PIM3: variants seen among roughly 807,000 people sequenced by gnomAD.
PIM3 encodes serine/threonine-protein kinase pim-3.
PIM3 carries 13 observed loss-of-function variants against 27.5 expected under a neutral mutation model. The observed-to-expected ratio is 0.47, with a 90% CI of 0.31 to 0.75. PIM3 has a LOEUF of 0.75. PIM3 is among the 30% of genes least tolerant of loss of function. The probability of loss-of-function intolerance (pLI) is 0.05; values close to 1 mark genes in which losing one functional copy is unlikely to be tolerated. For missense variants in PIM3, 482 were observed against 476.9 expected, an observed-to-expected ratio of 1.01 and a Z score of -0.10; for synonymous variants, 341 against 221.1, an observed-to-expected ratio of 1.54 and a Z score of -4.81.
rs766893430 is a variant in PIM3, at chr22:49,961,799, A to G, written c.604A>G (p.Thr202Ala). The G allele has an allele frequency of 7.5e-6, 12 of 1,609,296 alleles. No individual in the cohort carries two copies. Among genetic ancestry groups the G allele is most frequent in the Admixed American group, 1.7e-5 (1 of 59,764 alleles). ...TGCGCTGCTCAAGGACACGGTCTAC[A>G]CCGACTTCGACGGTGAGCGCGGGCG... ...SGALLKDTVY[T>A]DFDGTRVYSP... Residue 202 changes from threonine to alanine, a missense_variant, in exon 4 of 6, where the codon ACC (threonine) becomes GCC (alanine). Physicochemically the swap from Thr to Ala is moderately conservative, Grantham distance 58. Transcript: ENST00000360612.
rs780830028 is a variant in PIM3, at chr22:49,961,353, C to G, written c.231C>G (p.Thr77=). ...AGCACGTGGTGAAGGAGCGGGTGAC[C>G]GAGTGGGGCAGCCTGGTAAGTTGGG... ...AVKHVVKERV[T]EWGSLGGATV... is the part of the protein sequence containing the mutation. Residue 77 remains threonine, a synonymous_variant, in exon 3 of 6, where the codon ACC becomes ACG. Coordinates refer to ENST00000360612, the MANE Select transcript of PIM3 (RefSeq NM_001001852.4). 1 of 1,531,354 alleles carries G rather than the reference C, an allele frequency of 6.5e-7. No individual in the cohort carries two copies. Among genetic ancestry groups the G allele is most frequent in the Admixed American group, 2.1e-5 (1 of 46,590 alleles). 94.9% of individuals were successfully genotyped at this position (1,531,354 alleles called of 1,614,324 possible). A position where few individuals can be genotyped will look rare whatever the true frequency, so the allele number is the denominator to read the frequency against.
intron 4 of PIM3, among the ~76,000 whole-genome samples, chr22:49,962,366 G>A (rs997872324): frequency 1.2e-5 from 1 of 85,980 alleles, no homozygotes; most frequent in Non-Finnish European, 2.3e-5. Context: ...CCCCGTTCCC[G>A]CAGGCAGGCG....
chr22:49,961,736 C>G lies in PIM3; in HGVS notation c.541C>G (p.Arg181Gly). 6.2e-7 allele frequency: 1 copy of G among 1,611,300 alleles called. No homozygotes were observed. The highest frequency in any genetic ancestry group is 8.5e-7 in the Non-Finnish European group (1 of 1,179,286). The change falls in exon 4 of 6, where the codon CGC becomes GGC. Residue 181 changes from arginine (R) to glycine (G), a missense_variant. Physicochemically the swap from Arg to Gly is moderately radical, Grantham distance 125 (BLOSUM62 -2). Transcript: ENST00000360612. ...IKDENLLVDL[R>G]SGELKLIDFG... ...GGACGAAAATCTGCTTGTGGACCTGCGCTCCGGAGAGCTCAAGCTCATCGA... is the reference window on the plus strand; with the variant it reads ...GGACGAAAATCTGCTTGTGGACCTGGGCTCCGGAGAGCTCAAGCTCATCGA...
rs548464468 is a variant in PIM3 at position 49,963,391 on chromosome 22, G to A, written c.*264G>A. 7 of 427,326 alleles carry A rather than the reference G, an allele frequency of 1.6e-5. No homozygotes were observed. In the East Asian group the frequency reaches 2.7e-4, roughly 16 times the overall value. 26.5% of individuals were successfully genotyped at this position (427,326 alleles called of 1,614,324 possible). On this transcript the variant is annotated 3_prime_UTR_variant, in exon 6 of 6. Transcript: ENST00000360612. ...TGAACCCCAGACGCCCCTCTGTGCT[G>A]CTGTGTCCGGAGGCGGCCTTCCCAT...
chr22:49,962,538 C>G (rs1033047077), intron 4 of PIM3, 151 bp from the exon 5 acceptor site: 2 of 874,610 alleles, frequency 2.3e-6, no homozygotes, highest in Non-Finnish European at 3.3e-6. Context: ...CCATCGCCTG[C>G]CGGGGTTTTT....
rs765581135 is a variant in PIM3, at chr22:49,962,745, T to G, written c.673T>G (p.Ser225Ala). The stretch of plus-strand genomic sequence containing the variant: ...CCGCTACCACCGCTACCACGGGCGC[T>G]CGGCCACCGTGTGGTCGCTGGGCGT... ...WIRYHRYHGR[S>A]ATVWSLGVLL... is the part of the protein sequence containing the mutation. The change falls in exon 5 of 6, where the codon TCG becomes GCG. Residue 225 changes from serine to alanine, a missense_variant. By Grantham distance (99) the Ser-to-Ala change is moderately conservative. Transcript: ENST00000360612. The G allele has an allele frequency of 1.9e-6, 3 of 1,612,680 alleles. No homozygotes were observed. The highest frequency in any genetic ancestry group is 2.5e-6 in the Non-Finnish European group (3 of 1,179,936).
rs763058426 is a variant in PIM3 at position 49,961,250 on chromosome 22, G to C, written c.195+16G>C. 76 of 1,533,772 alleles carry C rather than the reference G, an allele frequency of 5.0e-5. 1 individual carries two copies. In the South Asian group the frequency reaches 8.5e-4, roughly 17 times the overall value. ...CGGGCTCCCGGTGAGTCGGACCGCCGGGCGGGCCCGGGTTTCTCGCGCGCC... is the reference window on the plus strand; with the variant it reads ...CGGGCTCCCGGTGAGTCGGACCGCCCGGCGGGCCCGGGTTTCTCGCGCGCC... On this transcript the variant is annotated intron_variant, in intron 2 of 5. Transcript: ENST00000360612.
chr22:49,962,636 T>G, intron 4 of PIM3, 53 bp from the exon 5 acceptor site: 1 of 1,547,642 alleles, frequency 6.5e-7, no homozygotes, highest in South Asian at 1.2e-5. Context: ...CCTCGCCGTC[T>G]GTTGAGCGGC....
Position 49,961,382 on chromosome 22 carries a change from CGGG to C in PIM3, c.246+15_246+17del. The C allele has an allele frequency of 6.8e-7, 1 of 1,467,028 alleles. No homozygotes were observed. Among genetic ancestry groups the C allele is most frequent in the Non-Finnish European group, 9.0e-7 (1 of 1,114,920 alleles). 90.9% of individuals were successfully genotyped at this position (1,467,028 alleles called of 1,614,324 possible). A position where few individuals can be genotyped will look rare whatever the true frequency, so the allele number is the denominator to read the frequency against. ...TGGGGCAGCCTGGTAAGTTGGGGCA[CGGG>C]CGGCGGCGGCGGCGGGGGGCGGGCG... On this transcript the variant is annotated intron_variant, in intron 3 of 5. Coordinates refer to ENST00000360612, the MANE Select transcript of PIM3 (RefSeq NM_001001852.4).
Position 49,962,986 on chromosome 22 carries a change from G to A in PIM3, c.840G>A (p.Glu280=), listed in dbSNP as rs759077126. Residue 280 remains glutamate (E), a synonymous_variant, in exon 6 of 6, where the codon GAG becomes GAA. Coordinates refer to ENST00000360612, the MANE Select transcript of PIM3 (RefSeq NM_001001852.4). ...GGTGCCTGTCCCTGCGGCCCTCAGA[G>A]CGGCCGTCGCTGGATCAGATTGCGG... ...IRWCLSLRPS[E]RPSLDQIAAH... is the part of the protein sequence containing the mutation. 6.2e-7 allele frequency: 1 copy of A among 1,610,722 alleles called. No individual in the cohort carries two copies. Among genetic ancestry groups the A allele is most frequent in the Non-Finnish European group, 8.5e-7 (1 of 1,179,766 alleles).
At chr22:49,962,892 G>C (rs2146706411) in intron 5 of PIM3, 27 bp downstream of exon 5, 1 of 1,600,252 alleles carries the variant, frequency 6.2e-7, no homozygotes, top group Non-Finnish European at 8.5e-7. Context: ...GGCGGGGGTG[G>C]GGGCCTCGCC....
chr22:49,961,766 G>T lies in PIM3; in HGVS notation c.571G>T (p.Gly191Cys). The part of the protein sequence containing the change: ...RSGELKLIDF[G>C]SGALLKDTVY... ...CGGAGAGCTCAAGCTCATCGACTTC[G>T]GTTCGGGTGCGCTGCTCAAGGACAC... is the stretch of plus-strand genomic sequence containing the variant. The change falls in exon 4 of 6, where the codon GGT becomes TGT. Residue 191 changes from glycine (G) to cysteine (C), a missense_variant. Physicochemically the swap from Gly to Cys is radical, Grantham distance 159. Transcript: ENST00000360612. 6.2e-7 allele frequency: 1 copy of T among 1,611,930 alleles called. No individual in the cohort carries two copies. Among genetic ancestry groups the T allele is most frequent in the Non-Finnish European group, 8.5e-7 (1 of 1,179,506 alleles).
chr22:49,961,107 G>A lies in PIM3; in HGVS notation c.86-18G>A. 20 of 1,458,980 alleles carry A rather than the reference G, an allele frequency of 1.4e-5. No homozygotes were observed. The highest frequency in any genetic ancestry group is 1.8e-5 in the Non-Finnish European group (20 of 1,103,262). 90.4% of individuals were successfully genotyped at this position (1,458,980 alleles called of 1,614,324 possible). ...GGGCGCCCCGGGCCGCACCAACCCC[G>A]CCCGCGCCTCCCTGCAGCCAAGGCG... On this transcript the variant is annotated intron_variant, in intron 1 of 5. Transcript: ENST00000360612.
In PIM3 at chr22:49,961,483, G is replaced by A. The variant is rs1223484263; in HGVS notation, c.288G>A (p.Lys96=). ...CCCTGGAGGTGGTGCTGCTGCGCAA[G>A]GTGGGCGCGGCGGGCGGCGCGCGCG... The part of the protein sequence containing the change: ...TVPLEVVLLR[K]VGAAGGARGV... The change falls in exon 4 of 6, where the codon AAG becomes AAA. Residue 96 remains lysine (K), a synonymous_variant. Transcript: ENST00000360612. The A allele has an allele frequency of 4.0e-6, 6 of 1,493,006 alleles. No homozygotes were observed. The highest frequency in any genetic ancestry group is 5.3e-6 in the Non-Finnish European group (6 of 1,125,602). The allele number at this position is 1,493,006 out of a possible 1,614,324, so 92.5% of individuals were successfully genotyped here.
At position 49,963,111 on chromosome 22, in the gene PIM3, G is replaced by A; in HGVS notation, c.965G>A (p.Ser322Asn). 1.2e-6 allele frequency: 2 copies of A among 1,605,122 alleles called. No individual in the cohort carries two copies. The highest frequency in any genetic ancestry group is 1.7e-6 in the Non-Finnish European group (2 of 1,176,088). Reference sequence around the variant, plus strand: ...GATGACGTGGCCAGCACCACGTCCAGCAGCGAGAGCTTGTGAGGAGCTGCA... The same window carrying A: ...GATGACGTGGCCAGCACCACGTCCAACAGCGAGAGCTTGTGAGGAGCTGCA... ...DPDDVASTTSSSESL is the reference protein window; with the variant it reads ...DPDDVASTTSNSESL The change falls in exon 6 of 6, where the codon AGC becomes AAC. Residue 322 changes from serine (S) to asparagine (N), a missense_variant. Ser to Asn is a conservative substitution (Grantham distance 46). Coordinates refer to ENST00000360612, the MANE Select transcript of PIM3 (RefSeq NM_001001852.4).
In PIM3 at chr22:49,963,673, C is replaced by G. The variant is rs182147507; in HGVS notation, c.*546C>G. The G allele has an allele frequency of 6.5e-6, 1 of 152,700 alleles. No individual in the cohort carries two copies. Among genetic ancestry groups the G allele is most frequent in the African/African-American group, 2.4e-5 (1 of 41,470 alleles). The allele number at this position is 152,700 out of a possible 1,614,324, so 9.5% of individuals were successfully genotyped here. A position where few individuals can be genotyped will look rare whatever the true frequency, so the allele number is the denominator to read the frequency against. On this transcript the variant is annotated 3_prime_UTR_variant, in exon 6 of 6. Coordinates refer to ENST00000360612, the MANE Select transcript of PIM3 (RefSeq NM_001001852.4). ...AGGTTATTTCCTCTGAGCAGTCTGC[C>G]TCTCCCAAGCCCCAGGGGACAGTGG...
In PIM3 at chr22:49,962,828, C is replaced by T; in HGVS notation, c.756C>T (p.Leu252=). ...CCTTCGAGCAGGACGAGGAGATCCT[C>T]CGAGGCCGCCTGCTCTTCCGGAGGA... ...DIPFEQDEEI[L]RGRLLFRRRV... is the part of the protein sequence containing the mutation. Residue 252 remains leucine, a synonymous_variant, in exon 5 of 6, where the codon CTC becomes CTT. Transcript: ENST00000360612. The T allele has an allele frequency of 6.2e-7, 1 of 1,611,558 alleles. No homozygotes were observed. The highest frequency in any genetic ancestry group is 8.5e-7 in the Non-Finnish European group (1 of 1,179,878).
chr22:49,962,932 C>A lies in PIM3; in HGVS notation c.794-8C>A, dbSNP rs368530413. The A allele has an allele frequency of 1.9e-6, 3 of 1,601,868 alleles. No homozygotes were observed. The highest frequency in any genetic ancestry group is 2.5e-6 in the Non-Finnish European group (3 of 1,177,020). ...TTGGGCCCTCCCTGACCTCTCCGCTCCGCACAGAGTGCCAGCAGCTGATCC... is the reference window on the plus strand; with the variant it reads ...TTGGGCCCTCCCTGACCTCTCCGCTACGCACAGAGTGCCAGCAGCTGATCC... On this transcript the variant is annotated splice_region_variant and splice_polypyrimidine_tract_variant and intron_variant, in intron 5 of 5. Transcript: ENST00000360612.
At position 49,963,315 on chromosome 22, in the gene PIM3, G is replaced by C. The variant is rs1409022678; in HGVS notation, c.*188G>C. The C allele has an allele frequency of 1.5e-6, 1 of 661,438 alleles. No homozygotes were observed. The highest frequency in any genetic ancestry group is 2.4e-6 in the Non-Finnish European group (1 of 408,412). The allele number at this position is 661,438 out of a possible 1,614,324, so 41.0% of individuals were successfully genotyped here. ...GCGGGACTTGGTTTTCTCAAGCTCT[G>C]TCTGTCCAAAGACGCTCCGGTCGAG... On this transcript the variant is annotated 3_prime_UTR_variant, in exon 6 of 6. Coordinates refer to ENST00000360612, the MANE Select transcript of PIM3 (RefSeq NM_001001852.4).
Sources: gnomAD v4.1 joint callset for allele counts (sites outside exome capture counted in the v4.1 genomes callset) on GRCh38, gnomAD v4.1.1 for gene constraint, MANE v1.5 for transcripts, NCBI Gene and HGNC (gene_info 2026-07-23, HGNC 2026-07-21) for gene names.